Variants in SGCZ observed in about 807,000 individuals in gnomAD.
SGCZ encodes the protein zeta-sarcoglycan.
Under a neutral mutation model 41.3 loss-of-function variants are expected in SGCZ, and 40 were observed. The ratio of observed to expected loss-of-function variants is 0.97; its 90% CI spans 0.75 to 1.26. SGCZ has a LOEUF of 1.26. Among genes scored for constraint, SGCZ ranks in the 50% most tolerant of loss-of-function variants. SGCZ has a pLI of 0.00. For synonymous variants in SGCZ, 206 were observed against 137.5 expected, an observed-to-expected ratio of 1.50 and a Z score of -3.49; for missense variants, 552 against 369.8, an observed-to-expected ratio of 1.49 and a Z score of -4.04.
intron 1 of SGCZ, among the ~76,000 whole-genome samples, chr8:14,802,404 A>G (rs757849900): frequency 6.6e-6 from 1 of 152,250 alleles, no homozygotes; most frequent in Non-Finnish European, 1.5e-5. Flanking sequence ...TGGTGACATT[A>G]CACTTTAATT....
At chr8:14,168,330 AAT>A (rs1244168971) in intron 4 of SGCZ, among the ~76,000 whole-genome samples, 7 of 152,266 alleles carry the variant, frequency 4.6e-5, no homozygotes, top group African/African-American at 1.7e-4. Context: ...ATGAAATATA[AAT>A]ATAAATATAC....
chr8:14,849,539 T>C (rs1386279159), intron 1 of SGCZ, among the ~76,000 whole-genome samples: 1 of 152,098 alleles, frequency 6.6e-6, no homozygotes, highest in Non-Finnish European at 1.5e-5. Flanking sequence ...TAGCCAGACA[T>C]TCCAGAGAAC....
At chr8:14,955,462 A>T (rs1800762560) in intron 1 of SGCZ, among the ~76,000 whole-genome samples, 1 of 152,136 alleles carries the variant, frequency 6.6e-6, no homozygotes, top group Non-Finnish European at 1.5e-5. Context: ...AGTGACAGGG[A>T]TGTGCATTTC....
At chr8:14,332,594 C>G (rs1303537669) in intron 2 of SGCZ, 3 of 151,904 alleles carry the variant, frequency 2.0e-5, no homozygotes, top group Admixed American at 1.3e-4. Context: ...ATTGATTGTT[C>G]ACAGTCAGCT....
At chr8:14,132,600 T>C (rs1223742476) in intron 5 of SGCZ, among the ~76,000 whole-genome samples, 1 of 152,220 alleles carries the variant, frequency 6.6e-6, no homozygotes, top group African/African-American at 2.4e-5. Flanking sequence ...TGTCCATGTT[T>C]TTCTTTAGCT....
chr8:14,675,496 C>T (rs1014281266), intron 1 of SGCZ, among the ~76,000 whole-genome samples: 4 of 151,900 alleles, frequency 2.6e-5, no homozygotes, highest in African/African-American at 9.7e-5. Context: ...ATTTATTGAC[C>T]ACTGTATACA....
At chr8:14,402,702 T>C (rs886192010) in intron 2 of SGCZ, among the ~76,000 whole-genome samples, 4 of 146,614 alleles carry the variant, frequency 2.7e-5, no homozygotes, top group Non-Finnish European at 4.4e-5. Context: ...CCTTGTAGTA[T>C]AGTTTGAAGT....
rs770797504 is a variant in SGCZ at position 14,164,574 on chromosome 8, C to A, written c.547+6G>T. On this transcript the variant is annotated splice_donor_region_variant and intron_variant, in intron 5 of 7. Coordinates refer to ENST00000382080, the MANE Select transcript of SGCZ (RefSeq NM_139167.4). ...AACAATTTTTCAAGACCTCCATCTA[C>A]AGTACCTGTAACTTTCAGCTTTTCA... 1 of 1,613,154 alleles carries A rather than the reference C, an allele frequency of 6.2e-7. No individual in the cohort carries two copies.
At chr8:14,491,478 G>A (rs1443904093) in intron 2 of SGCZ, among the ~76,000 whole-genome samples, 8 of 152,198 alleles carry the variant, frequency 5.3e-5, no homozygotes, top group African/African-American at 1.7e-4. Flanking sequence ...TTTGAGTAAT[G>A]TACCAAACAT....
chr8:14,362,531 G>A (rs970256536), intron 2 of SGCZ, among the ~76,000 whole-genome samples: 1 of 152,178 alleles, frequency 6.6e-6, no homozygotes, highest in South Asian at 2.1e-4. Context: ...CTGGTTTGCT[G>A]GTTACGAAGA....
chr8:14,503,377 T>G (rs950718192), intron 2 of SGCZ, among the ~76,000 whole-genome samples: 1 of 152,128 alleles, frequency 6.6e-6, no homozygotes, highest in African/African-American at 2.4e-5. Flanking sequence ...GAAACCACCA[T>G]GGCACGTGCA....
intron 1 of SGCZ, among the ~76,000 whole-genome samples, chr8:14,694,730 G>C (rs1170425879): frequency 6.6e-6 from 1 of 152,056 alleles, no homozygotes; most frequent in Non-Finnish European, 1.5e-5. Flanking sequence ...CAGAATTATG[G>C]TTACTTAAAA....
At chr8:14,513,489 T>C (rs545866685) in intron 2 of SGCZ, among the ~76,000 whole-genome samples, 11 of 152,178 alleles carry the variant, frequency 7.2e-5, no homozygotes, top group African/African-American at 2.6e-4. Flanking sequence ...TTTAGACCAA[T>C]TGATTCATAA....
chr8:14,451,691 T>C (rs1800597425), intron 2 of SGCZ, among the ~76,000 whole-genome samples: 1 of 152,232 alleles, frequency 6.6e-6, no homozygotes, highest in African/African-American at 2.4e-5. Flanking sequence ...AAGGTCTTAA[T>C]ACACATTGCA....
intron 1 of SGCZ, among the ~76,000 whole-genome samples, chr8:14,928,450 A>G (rs981341679): frequency 6.6e-6 from 1 of 152,212 alleles, no homozygotes; most frequent in Non-Finnish European, 1.5e-5. Flanking sequence ...CGCGATGACA[A>G]TATAATAAAA....
At chr8:15,165,573 T>C (rs1202339766) in intron 1 of SGCZ, among the ~76,000 whole-genome samples, 4 of 152,306 alleles carry the variant, frequency 2.6e-5, no homozygotes, top group South Asian at 2.1e-4. Flanking sequence ...TGGCTGCAGT[T>C]AGCACACAAT....
chr8:15,038,186 C>G (rs550222122), intron 1 of SGCZ, among the ~76,000 whole-genome samples: 2 of 152,092 alleles, frequency 1.3e-5, no homozygotes, highest in African/African-American at 4.8e-5. Context: ...GAAGGTATTA[C>G]ACTGACTGAC....
At chr8:14,147,964 A>G (rs1803579159) in intron 5 of SGCZ, among the ~76,000 whole-genome samples, 1 of 152,192 alleles carries the variant, frequency 6.6e-6, no homozygotes, top group African/African-American at 2.4e-5. Context: ...CAGTGTGTCA[A>G]TAAAGAAATT....
At chr8:14,092,714 C>G (rs1029581020) in intron 7 of SGCZ, among the ~76,000 whole-genome samples, 1 of 152,010 alleles carries the variant, frequency 6.6e-6, no homozygotes, top group Non-Finnish European at 1.5e-5. Flanking sequence ...ACATAAGATG[C>G]GCCTTTTGCC....
Sources: allele counts gnomAD v4.1 joint callset (sites outside exome capture counted in the v4.1 genomes callset), GRCh38; gene constraint gnomAD v4.1.1; transcripts MANE v1.5; gene names NCBI Gene and HGNC (gene_info 2026-07-23, HGNC 2026-07-21).